CRTC1: variants seen among roughly 807,000 people sequenced by gnomAD.
The protein encoded by CRTC1 is CREB-regulated transcription coactivator 1.
In CRTC1, 18 loss-of-function variants were observed where a neutral mutation model predicts 66.1. The observed-to-expected ratio is 0.27, with a 90% CI of 0.19 to 0.40. The LOEUF (loss-of-function observed/expected upper bound fraction) is 0.40, where lower values mean the gene tolerates loss of function less well. CRTC1 is among the 10% of genes least tolerant of loss of function. The probability of loss-of-function intolerance (pLI) is 1.00; values close to 1 mark genes in which losing one functional copy is unlikely to be tolerated. For synonymous variants in CRTC1, 416 were observed against 398.8 expected (o/e 1.04, Z -0.51); for missense variants, 669 against 887.9 (o/e 0.75, Z 3.13).
In CRTC1 at chr19:18,780,781, G is replaced by A. The variant is rs937473568; in HGVS notation, c.*3399G>A. On this transcript the variant is annotated 3_prime_UTR_variant, in exon 14 of 14. Transcript: ENST00000321949. ...TGGGCTCAAGCAGTCCTCCCTCCTC[G>A]GCCTCCCAAAGTTCTGGGGCTACAG... The A allele has an allele frequency of 2.3e-5, 5 of 219,958 alleles. No homozygotes were observed. The highest frequency in any genetic ancestry group is 1.4e-3 in the Middle Eastern group (1 of 730). The allele number at this position is 219,958 out of a possible 1,614,324, so 13.6% of individuals were successfully genotyped here.
At chr19:18,743,778 T>TG (rs1388251457) in intron 2 of CRTC1, among the ~76,000 whole-genome samples, 1 of 152,220 alleles carries the variant, frequency 6.6e-6, no homozygotes, top group Admixed American at 6.5e-5. Context: ...CAGGGATCCT[T>TG]GGGCTGGCCA....
chr19:18,781,556 T>C lies in CRTC1; in HGVS notation c.*4174T>C. 4.4e-6 allele frequency: 1 copy of C among 229,110 alleles called. No homozygotes were observed. The highest frequency in any genetic ancestry group is 6.2e-5 in the East Asian group (1 of 16,118). 14.2% of individuals were successfully genotyped at this position (229,110 alleles called of 1,614,324 possible). A position where few individuals can be genotyped will look rare whatever the true frequency, so the allele number is the denominator to read the frequency against. ...CACCCCCACTGGCCACAGACACCAT[T>C]CTCCCCCTGGGAGCAGGAGGTGGAG... On this transcript the variant is annotated 3_prime_UTR_variant, in exon 14 of 14. Coordinates refer to ENST00000321949, the MANE Select transcript of CRTC1 (RefSeq NM_015321.3).
chr19:18,775,081 A>G, intron 12 of CRTC1, 95 bp downstream of exon 12: 1 of 1,265,996 alleles, frequency 7.9e-7, no homozygotes, highest in Non-Finnish European at 1.1e-6. Flanking sequence ...TCAGAGCTGC[A>G]CGTGCTCGGG....
intron 1 of CRTC1, among the ~76,000 whole-genome samples, chr19:18,689,883 T>C (rs1238666741): frequency 3.3e-5 from 5 of 151,960 alleles, no homozygotes; most frequent in Non-Finnish European, 7.4e-5. Flanking sequence ...CTCTGGTAAC[T>C]CTCCATTTAT....
At chr19:18,737,912 G>A (rs1318675437) in intron 1 of CRTC1, among the ~76,000 whole-genome samples, 2 of 151,930 alleles carry the variant, frequency 1.3e-5, no homozygotes, top group Admixed American at 6.6e-5. Flanking sequence ...TAGCTTTATT[G>A]TAAGAATACA....
At chr19:18,718,949 T>C (rs148347113) in intron 1 of CRTC1, among the ~76,000 whole-genome samples, 3 of 152,064 alleles carry the variant, frequency 2.0e-5, no homozygotes, top group Non-Finnish European at 2.9e-5. Context: ...TTGAACTGAA[T>C]GAATAAAGAG....
intron 1 of CRTC1, among the ~76,000 whole-genome samples, chr19:18,723,967 A>G (rs2053686022): frequency 6.6e-6 from 1 of 152,188 alleles, no homozygotes; most frequent in Admixed American, 6.5e-5. Flanking sequence ...TGGCGATGGC[A>G]TTCCACCGTC....
chr19:18,760,879 C>T lies in CRTC1; in HGVS notation c.886+651C>T, dbSNP rs891658356. Among the ~76,000 whole-genome samples the T allele has an allele frequency of 2.6e-5, 4 of 151,912 alleles. No individual in the cohort carries two copies. The highest frequency in any genetic ancestry group is 9.7e-5 in the African/African-American group (4 of 41,334). ...TTGTCAGCGTGTCCTGTCGGTTCCG[C>T]CCTCAGGACCTGGCCTGACCTGGCT... On this transcript the variant is annotated intron_variant, in intron 8 of 13. Coordinates refer to ENST00000321949, the MANE Select transcript of CRTC1 (RefSeq NM_015321.3). This position sits in a 1 kb window ranked among gnomAD's most constrained non-coding sequence, Gnocchi z 6.2.
chr19:18,740,403 G>A (rs1444043543), intron 1 of CRTC1, among the ~76,000 whole-genome samples: 1 of 152,204 alleles, frequency 6.6e-6, no homozygotes, highest in Non-Finnish European at 1.5e-5. Context: ...TGGCCTGCAT[G>A]TCCAGGGTCT....
intron 1 of CRTC1, among the ~76,000 whole-genome samples, chr19:18,687,774 T>C (rs1034306511): frequency 6.6e-6 from 1 of 151,982 alleles, no homozygotes; most frequent in Non-Finnish European, 1.5e-5. Flanking sequence ...GATGTTTGGC[T>C]AGAAGACAGG....
Position 18,773,946 on chromosome 19 carries a change from G to A in CRTC1, c.1426-954G>A, listed in dbSNP as rs10412356. Among the ~76,000 whole-genome samples the A allele has an allele frequency of 4.2e-3, 646 of 152,312 alleles. 3 individuals are homozygous for A. Among genetic ancestry groups the A allele is most frequent in the African/African-American group, 0.015 (609 of 41,556 alleles). ...TCTCTCTAGAACAAAGCTCAGATGGGGAGCTCCAAGGGAGAGGGCCAGGGC... is the reference window on the plus strand; with the variant it reads ...TCTCTCTAGAACAAAGCTCAGATGGAGAGCTCCAAGGGAGAGGGCCAGGGC... On this transcript the variant is annotated intron_variant, in intron 11 of 13. Transcript: ENST00000321949.
intron 1 of CRTC1, among the ~76,000 whole-genome samples, chr19:18,710,206 C>T (rs1041671511): frequency 5.3e-5 from 8 of 152,316 alleles, no homozygotes; most frequent in African/African-American, 1.7e-4. Flanking sequence ...CCCACTCACT[C>T]GGAAGTCTCC....
Position 18,760,233 on chromosome 19 carries a change from G to C in CRTC1, c.886+5G>C. On this transcript the variant is annotated splice_donor_5th_base_variant and intron_variant, in intron 8 of 13. Coordinates refer to ENST00000321949, the MANE Select transcript of CRTC1 (RefSeq NM_015321.3). The surrounding 1 kb of genome is among the most constrained non-coding windows in gnomAD (Gnocchi z 6.2). ...GCATCGGTGGCGCCGGCCAGGGTAA[G>C]GCAGGGACACTCCGCCCTCGGACAG... The C allele has an allele frequency of 6.3e-7, 1 of 1,586,982 alleles. No individual in the cohort carries two copies. The highest frequency in any genetic ancestry group is 8.6e-7 in the Non-Finnish European group (1 of 1,167,720).
At chr19:18,716,623 G>A (rs1293889621) in intron 1 of CRTC1, among the ~76,000 whole-genome samples, 1 of 152,206 alleles carries the variant, frequency 6.6e-6, no homozygotes, top group Non-Finnish European at 1.5e-5. Flanking sequence ...GGGCATTAGT[G>A]TGTGGAGAGG....
At chr19:18,757,156 A>G (rs879681228) in intron 6 of CRTC1, among the ~76,000 whole-genome samples, 2 of 152,118 alleles carry the variant, frequency 1.3e-5, no homozygotes, top group African/African-American at 2.4e-5. Flanking sequence ...TGTTTGCCCC[A>G]GGGCCCCAGG....
intron 1 of CRTC1, among the ~76,000 whole-genome samples, chr19:18,742,002 G>C (rs1348965001): frequency 6.6e-6 from 1 of 152,112 alleles, no homozygotes; most frequent in Non-Finnish European, 1.5e-5. Flanking sequence ...GGGCCAGAGT[G>C]GACAACCACC....
chr19:18,737,748 C>CCTCCTCCTGCTCCTCCTCCTG, intron 1 of CRTC1, among the ~76,000 whole-genome samples: 1 of 152,020 alleles, frequency 6.6e-6, no homozygotes, highest in East Asian at 1.9e-4. Flanking sequence ...TGCTCCTCCT[C>CCTCCTCCTGCTCCTCCTCCTG]CTCCTCCTCC....
At chr19:18,720,484 G>C (rs375824430) in intron 1 of CRTC1, among the ~76,000 whole-genome samples, 30 of 151,688 alleles carry the variant, frequency 2.0e-4, no homozygotes, top group African/African-American at 7.0e-4. Context: ...CGAGTAACTG[G>C]GACTACAGTC....
chr19:18,726,018 T>G (rs1001342884), intron 1 of CRTC1, among the ~76,000 whole-genome samples: 26 of 152,182 alleles, frequency 1.7e-4, no homozygotes, highest in African/African-American at 6.3e-4. Context: ...TCCTCCCGAC[T>G]CATGTACCGC....
Sources: gnomAD v4.1 joint callset for allele counts (sites outside exome capture counted in the v4.1 genomes callset) on GRCh38, gnomAD v4.1.1 for gene constraint, Gnocchi (gnomAD v3.1) non-coding constraint, MANE v1.5 for transcripts, NCBI Gene and HGNC (gene_info 2026-07-23, HGNC 2026-07-21) for gene names.